The following LCK variants were observed in gnomAD, a reference collection of about 807,000 sequenced individuals.
LCK encodes tyrosine-protein kinase Lck.
A neutral mutation model predicts 64.6 loss-of-function variants in LCK; 14 were observed. That is an observed-to-expected ratio of 0.22 (90% CI 0.14 to 0.34). LCK has a LOEUF of 0.34. LCK is among the 10% of genes least tolerant of loss of function. The probability of loss-of-function intolerance (pLI) is 1.00; values close to 1 mark genes in which losing one functional copy is unlikely to be tolerated. For missense variants in LCK, 434 were observed against 668.1 expected (o/e 0.65, Z 3.86); for synonymous variants, 277 against 263.6 (o/e 1.05, Z -0.49).
intron 12 of LCK, among the ~76,000 whole-genome samples, chr1:32,281,644 C>G (rs1362929673): frequency 1.3e-5 from 2 of 152,072 alleles, no homozygotes; most frequent in African/African-American, 4.8e-5. Context: ...TGCTAAGAAA[C>G]TCTGGGGAAA....
chr1:32,274,640 C>T, intron 2 of LCK, 97 bp from the exon 3 acceptor site: 1 of 1,091,180 alleles, frequency 9.2e-7, no homozygotes. Context: ...AACATCTAAC[C>T]AGGCTGGAGA....
At chr1:32,263,495 C>T (rs772907715) in intron 1 of LCK, among the ~76,000 whole-genome samples, 8 of 151,936 alleles carry the variant, frequency 5.3e-5, no homozygotes, top group Admixed American at 2.0e-4. Context: ...CCAACACTTT[C>T]GGAGTCTGAG....
chr1:32,275,428 G>C lies in LCK; in HGVS notation c.377+9G>C. ...AGCCTGGAGCCCGAACCGTAAGTGG[G>C]GACCCGTCGTGGGGGTGGGTAGGAG... is the stretch of plus-strand genomic sequence containing the variant. On this transcript the variant is annotated intron_variant, in intron 5 of 12. Transcript: ENST00000336890. This position sits in a 1 kb window ranked among gnomAD's most constrained non-coding sequence, Gnocchi z 6.9. 1 of 1,613,816 alleles carries C rather than the reference G, an allele frequency of 6.2e-7. No individual in the cohort carries two copies.
chr1:32,281,365 T>G (rs1569972173), intron 12 of LCK, among the ~76,000 whole-genome samples: 1 of 142,660 alleles, frequency 7.0e-6, no homozygotes, highest in Admixed American at 7.0e-5. Context: ...GAGGCTGAGG[T>G]GGGAGGATCA....
chr1:32,275,541 G>A lies in LCK; in HGVS notation c.378-28G>A, dbSNP rs1640235023. The A allele has an allele frequency of 1.9e-6, 3 of 1,557,442 alleles. No individual in the cohort carries two copies. Among genetic ancestry groups the A allele is most frequent in the African/African-American group, 1.4e-5 (1 of 73,576 alleles). On this transcript the variant is annotated intron_variant, in intron 5 of 12. Transcript: ENST00000336890. This position sits in a 1 kb window ranked among gnomAD's most constrained non-coding sequence, Gnocchi z 6.9. The stretch of plus-strand genomic sequence containing the variant: ...GGAGGAAGATCCGACGACAGCCGAC[G>A]GCCTTCGTTCGCTTCCGCCCTGCAC...
intron 1 of LCK, among the ~76,000 whole-genome samples, chr1:32,261,604 C>T: frequency 6.8e-6 from 1 of 147,352 alleles, no homozygotes; most frequent in Non-Finnish European, 1.5e-5. Context: ...CGAGATCGTG[C>T]CACTGCTCCC....
Position 32,275,138 on chromosome 1 carries a change from G to C in LCK, c.278+55G>C. On this transcript the variant is annotated intron_variant, in intron 4 of 12. Transcript: ENST00000336890. This position sits in a 1 kb window ranked among gnomAD's most constrained non-coding sequence, Gnocchi z 6.9. ...AGTCCGTGAGGGAGCGGCGATCTCC[G>C]CGACCCGCAGCCCTCCTGCGGCCCT... The C allele has an allele frequency of 6.5e-7, 1 of 1,533,288 alleles. No individual in the cohort carries two copies. Among genetic ancestry groups the C allele is most frequent in the South Asian group, 1.2e-5 (1 of 85,202 alleles). The allele number at this position is 1,533,288 out of a possible 1,614,324, so 95.0% of individuals were successfully genotyped here. A position where few individuals can be genotyped will look rare whatever the true frequency, so the allele number is the denominator to read the frequency against.
In LCK at chr1:32,251,539, G is replaced by A. The variant is rs1391705979; in HGVS notation, c.-6+168G>A. Among the ~76,000 whole-genome samples, 1 of 152,164 alleles carries A rather than the reference G, an allele frequency of 6.6e-6. No individual in the cohort carries two copies. The highest frequency in any genetic ancestry group is 2.4e-5 in the African/African-American group (1 of 41,420). On this transcript the variant is annotated intron_variant, in intron 1 of 12. Transcript: ENST00000336890. This position sits in a 1 kb window ranked among gnomAD's most constrained non-coding sequence, Gnocchi z 4.0. ...GGGAGGCAGGCAGTGTAGCTGGGTC[G>A]CCTCTTTCCTGCGAAGCTGGTGTCG...
rs755318662 is a variant in LCK at position 32,276,353 on chromosome 1, G to A, written c.648G>A (p.Leu216=). Residue 216 remains leucine, a synonymous_variant, in exon 8 of 13, where the codon CTG becomes CTA. Transcript: ENST00000336890. The surrounding 1 kb of genome is among the most constrained non-coding windows in gnomAD (Gnocchi z 4.6). The part of the protein sequence containing the change: ...VRHYTNASDG[L]CTRLSRPCQT... ...TCCTCGCAGATGCTTCAGATGGGCT[G>A]TGCACACGGTTGAGCCGCCCCTGCC... The A allele has an allele frequency of 1.9e-6, 3 of 1,604,812 alleles. No individual in the cohort carries two copies. Among genetic ancestry groups the A allele is most frequent in the South Asian group, 1.1e-5 (1 of 89,904 alleles).
Position 32,285,474 on chromosome 1 carries a change from A to C in LCK, c.1328-40A>C, listed in dbSNP as rs374108516. 16 of 1,581,102 alleles carry C rather than the reference A, an allele frequency of 1.0e-5. No individual in the cohort carries two copies. The African/African-American group carries it at 1.8e-4, about 17-fold the overall frequency. ...ACATTACCCTTGCCTGTGGGCTTCC[A>C]GTGCCTGACCTTGATGTCCTTTCAC... On this transcript the variant is annotated intron_variant, in intron 12 of 12. Transcript: ENST00000336890.
At chr1:32,263,629 T>C (rs1639840521) in intron 1 of LCK, among the ~76,000 whole-genome samples, 1 of 151,448 alleles carries the variant, frequency 6.6e-6, no homozygotes, top group Non-Finnish European at 1.5e-5. Flanking sequence ...ATCCCAGCAC[T>C]TTGGGAGGCC....
intron 1 of LCK, among the ~76,000 whole-genome samples, chr1:32,261,461 C>T (rs2124316646): frequency 1.3e-5 from 2 of 151,370 alleles, no homozygotes; most frequent in East Asian, 3.9e-4. Flanking sequence ...GCCTAGCCAA[C>T]ATAGTGAAAC....
At chr1:32,272,087 C>A (rs1049879779) in intron 1 of LCK, among the ~76,000 whole-genome samples, 1 of 151,888 alleles carries the variant, frequency 6.6e-6, no homozygotes, top group African/African-American at 2.4e-5. Context: ...AGTTCGAGAC[C>A]AGCCTGGCCA....
chr1:32,258,155 T>C (rs1052186895), intron 1 of LCK, among the ~76,000 whole-genome samples: 1 of 151,934 alleles, frequency 6.6e-6, no homozygotes, highest in African/African-American at 2.4e-5. Flanking sequence ...TGGTGGTGTG[T>C]ACCTGTGGTC....
chr1:32,285,791 A>T lies in LCK; in HGVS notation c.*75A>T, dbSNP rs1640597538. 1 of 1,444,618 alleles carries T rather than the reference A, an allele frequency of 6.9e-7. No homozygotes were observed. The highest frequency in any genetic ancestry group is 2.0e-5 in the Admixed American group (1 of 50,582). 89.5% of individuals were successfully genotyped at this position (1,444,618 alleles called of 1,614,324 possible). A position where few individuals can be genotyped will look rare whatever the true frequency, so the allele number is the denominator to read the frequency against. On this transcript the variant is annotated 3_prime_UTR_variant, in exon 13 of 13. Transcript: ENST00000336890. Reference sequence around the variant, plus strand: ...TGGGGAGATGGAGTTCTTGTGCCATAGTCACATGGCCTATGCACATATGGA... The same window carrying T: ...TGGGGAGATGGAGTTCTTGTGCCATTGTCACATGGCCTATGCACATATGGA...
At chr1:32,255,337 G>A (rs531300391) in intron 1 of LCK, among the ~76,000 whole-genome samples, 1 of 152,264 alleles carries the variant, frequency 6.6e-6, no homozygotes, top group Admixed American at 6.5e-5. Context: ...ATGAAATAAT[G>A]CAAATAAAGG....
intron 1 of LCK, among the ~76,000 whole-genome samples, chr1:32,263,673 A>C (rs1639841725): frequency 6.6e-6 from 1 of 151,960 alleles, no homozygotes; most frequent in African/African-American, 2.4e-5. Flanking sequence ...GCACTTTGGG[A>C]GGCCAAGGTG....
intron 1 of LCK, among the ~76,000 whole-genome samples, chr1:32,257,067 C>T (rs1241889969): frequency 1.3e-5 from 2 of 152,086 alleles, no homozygotes; most frequent in Non-Finnish European, 1.5e-5. Context: ...GTAGCAAGCA[C>T]TATGTTAAGC....
chr1:32,280,152 G>A lies in LCK; in HGVS notation c.1269G>A (p.Val423=). The A allele has an allele frequency of 6.2e-7, 1 of 1,614,140 alleles. No homozygotes were observed. The highest frequency in any genetic ancestry group is 2.2e-5 in the East Asian group (1 of 44,876). ...NYGTFTIKSD[V]WSFGILLTEI... ...GGACATTCACCATCAAGTCAGATGT[G>A]TGGTCTTTTGGGATCCTGCTGACGG... Residue 423 remains valine, a synonymous_variant, in exon 12 of 13, where the codon GTG becomes GTA. Transcript: ENST00000336890.
Sources: allele counts gnomAD v4.1 joint callset (sites outside exome capture counted in the v4.1 genomes callset), GRCh38; gene constraint gnomAD v4.1.1; non-coding constraint Gnocchi (gnomAD v3.1); transcripts MANE v1.5; gene names NCBI Gene and HGNC (gene_info 2026-07-23, HGNC 2026-07-21).